Variants in NLRP7 observed in about 807,000 individuals in gnomAD.
The protein encoded by NLRP7 is NLR family pyrin domain containing 7.
Under a neutral mutation model 85.5 loss-of-function variants are expected in NLRP7, and 72 were observed. The ratio of observed to expected loss-of-function variants is 0.84; its 90% CI spans 0.70 to 1.02. The LOEUF (loss-of-function observed/expected upper bound fraction) is 1.02. NLRP7 is among the 50% of genes least tolerant of loss of function. The pLI is 0.00. For synonymous variants in NLRP7, 550 were observed against 505.2 expected, an observed-to-expected ratio of 1.09 and a Z score of -1.19; for missense variants, 1,243 against 1,219.5, an observed-to-expected ratio of 1.02 and a Z score of -0.29.
intron 9 of NLRP7, among the ~76,000 whole-genome samples, chr19:54,926,308 T>C (rs2068438732): frequency 6.6e-6 from 1 of 152,076 alleles, no homozygotes; most frequent in Non-Finnish European, 1.5e-5. Flanking sequence ...GGACTAAGTG[T>C]TTTGGGGGAA....
rs761016490 is a variant in NLRP7, at chr19:54,934,056, G to A, written c.2472-317C>T. Among the ~76,000 whole-genome samples the A allele has an allele frequency of 3.3e-5, 5 of 152,166 alleles. No individual in the cohort carries two copies. The highest frequency in any genetic ancestry group is 1.2e-4 in the African/African-American group (5 of 41,440). ...CCTCCCAGGTTTACACCATTCTGCTGACTCAGCCTCCTGAGTAGCTGGGAC... is the reference window on the plus strand; with the variant it reads ...CCTCCCAGGTTTACACCATTCTGCTAACTCAGCCTCCTGAGTAGCTGGGAC... On this transcript the variant is annotated intron_variant, in intron 7 of 9. Transcript: ENST00000340844. This position sits in a 1 kb window ranked among gnomAD's most constrained non-coding sequence, Gnocchi z 6.7.
chr19:54,944,557 C>A (rs1318227459), intron 1 of NLRP7, among the ~76,000 whole-genome samples: 1 of 151,972 alleles, frequency 6.6e-6, no homozygotes, highest in African/African-American at 2.4e-5. Context: ...TCTCCTGAGC[C>A]CACTTTTCTT....
At chr19:54,954,423 G>C (rs1013258025) in intron 1 of NLRP7, among the ~76,000 whole-genome samples, 1 of 140,092 alleles carries the variant, frequency 7.1e-6, no homozygotes, top group South Asian at 2.1e-4. Flanking sequence ...CCAGCTACTC[G>C]GGAGGCTGAG....
chr19:54,941,381 CAA>C (rs55704982), intron 2 of NLRP7, 52 bp downstream of exon 2: 22,558 of 634,706 alleles, frequency 0.036, no homozygotes, highest in East Asian at 0.052. Context: ...GACTCCATCT[CAA>C]AAAAAAAAAA....
chr19:54,938,941 C>G (rs768098503), exon 4 of NLRP7: 10 of 1,614,176 alleles, frequency 6.2e-6, no homozygotes, highest in Non-Finnish European at 8.5e-6. Context: ...GGAACACCCC[C>G]TTTGCTACCT....
At chr19:54,939,867 A>T in exon 4 of NLRP7, 1 of 1,613,976 alleles carries the variant, frequency 6.2e-7, no homozygotes, top group South Asian at 1.1e-5. Context: ...ACCCTTACGT[A>T]GATCGGCTGC....
chr19:54,955,292 G>A (rs1230831968), intron 1 of NLRP7, among the ~76,000 whole-genome samples: 1 of 152,068 alleles, frequency 6.6e-6, no homozygotes, highest in East Asian at 1.9e-4. Context: ...TCATGCCATT[G>A]CACTCCAGCC....
exon 2 of NLRP7, chr19:54,941,616 A>G (rs2069230122): frequency 6.2e-7 from 1 of 1,613,882 alleles, no homozygotes; most frequent in Admixed American, 1.7e-5. Flanking sequence ...CTTCGAGGGG[A>G]AAAGCCCATA....
rs1200148905 is a variant in NLRP7, at chr19:54,934,369, A to T, written c.2471+120T>A. The T allele has an allele frequency of 1.0e-6, 1 of 989,284 alleles. No individual in the cohort carries two copies. The highest frequency in any genetic ancestry group is 1.6e-5 in the African/African-American group (1 of 62,742). The allele number at this position is 989,284 out of a possible 1,614,324, so 61.3% of individuals were successfully genotyped here. On this transcript the variant is annotated intron_variant, in intron 7 of 9. Coordinates refer to ENST00000340844, the Ensembl canonical transcript of NLRP7. This position sits in a 1 kb window ranked among gnomAD's most constrained non-coding sequence, Gnocchi z 6.7. Reference sequence around the variant, plus strand: ...GGCAGGAGCCACCGTGCCGGGCCTGAAGCAGGTGTTTATTTCAGCAAGAGG... The same window carrying T: ...GGCAGGAGCCACCGTGCCGGGCCTGTAGCAGGTGTTTATTTCAGCAAGAGG...
intron 1 of NLRP7, among the ~76,000 whole-genome samples, chr19:54,961,613 G>A (rs2070045528): frequency 6.6e-6 from 1 of 151,946 alleles, no homozygotes; most frequent in East Asian, 1.9e-4. Flanking sequence ...GAGGCAGGTG[G>A]ATCTCAGATC....
rs62124617 is a variant in NLRP7, at chr19:54,940,577, G to A, written c.353-111C>T. 21,584 of 1,314,866 alleles carry A rather than the reference G, an allele frequency of 0.016. 248 individuals are homozygous for A. Among genetic ancestry groups the A allele is most frequent in the South Asian group, 0.024 (2,057 of 85,048 alleles). The allele number at this position is 1,314,866 out of a possible 1,614,324, so 81.4% of individuals were successfully genotyped here. A position where few individuals can be genotyped will look rare whatever the true frequency, so the allele number is the denominator to read the frequency against. On this transcript the variant is annotated intron_variant, in intron 3 of 9. Transcript: ENST00000340844. The stretch of plus-strand genomic sequence containing the variant: ...CACGGTGTCTCATGCTTGTAATCCC[G>A]GCACTTTGGGAGGCCAAGGTGGGTG...
At chr19:54,951,683 C>G (rs1434419332), upstream of NLRP7, among the ~76,000 whole-genome samples, 5 of 152,080 alleles carry the variant, frequency 3.3e-5, no homozygotes, top group African/African-American at 1.2e-4. Flanking sequence ...TCACGTGGCT[C>G]TAGACACTGC....
intron 5 of NLRP7, among the ~76,000 whole-genome samples, 168 bp from the exon 6 acceptor site, chr19:54,936,599 A>G (rs2068940398): frequency 1.3e-5 from 2 of 150,164 alleles, no homozygotes. Context: ...AGGCAGGAGG[A>G]TAACCTGAGG....
chr19:54,946,668 C>T (rs958137875), intron 1 of NLRP7, among the ~76,000 whole-genome samples: 2 of 147,424 alleles, frequency 1.4e-5, no homozygotes, highest in East Asian at 2.1e-4. Flanking sequence ...GAGACGGAGT[C>T]GCACTCTGTC....
exon 2 of NLRP7, chr19:54,941,440 A>C (rs1343242068): frequency 6.2e-7 from 1 of 1,603,390 alleles, no homozygotes; most frequent in South Asian, 1.1e-5. Flanking sequence ...CTTACCCATC[A>C]TCTCAGCCTT....
intron 1 of NLRP7, among the ~76,000 whole-genome samples, chr19:54,954,945 C>T (rs1445382397): frequency 1.3e-5 from 2 of 152,134 alleles, no homozygotes; most frequent in Non-Finnish European, 2.9e-5. Context: ...AGCTTGCTTC[C>T]ACTTTACTCC....
intron 1 of NLRP7, among the ~76,000 whole-genome samples, chr19:54,962,665 T>A (rs558340540): frequency 6.6e-6 from 1 of 151,504 alleles, no homozygotes; most frequent in South Asian, 2.1e-4. Context: ...AGTGGCGCGA[T>A]CTCAGCTCAC....
intron 1 of NLRP7, among the ~76,000 whole-genome samples, chr19:54,959,496 G>A (rs906334692): frequency 2.0e-5 from 3 of 151,074 alleles, no homozygotes; most frequent in South Asian, 2.1e-4. Context: ...AATATGAGAC[G>A]GTTTCTCTCT....
intron 7 of NLRP7, among the ~76,000 whole-genome samples, 174 bp from the exon 8 acceptor site, chr19:54,933,913 G>C (rs2068780106): frequency 6.6e-6 from 1 of 152,176 alleles, no homozygotes; most frequent in Non-Finnish European, 1.5e-5. Flanking sequence ...AGAAGGCCAA[G>C]ATGCAGCGGT....
Sources: allele counts gnomAD v4.1 joint callset (sites outside exome capture counted in the v4.1 genomes callset), GRCh38; gene constraint gnomAD v4.1.1; non-coding constraint Gnocchi (gnomAD v3.1); transcripts MANE v1.5; gene names NCBI Gene and HGNC (gene_info 2026-07-23, HGNC 2026-07-21).